Variants in WDR72 observed in about 807,000 individuals in gnomAD.
WDR72 encodes WD repeat-containing protein 72.
Under a neutral mutation model 124.2 loss-of-function variants are expected in WDR72, and 120 were observed. That is an observed-to-expected ratio of 0.97 (90% CI 0.83 to 1.12). The LOEUF is 1.12. WDR72 is among the 50% of genes most tolerant of loss of function. The pLI is 0.00. For missense variants in WDR72, 1,387 were observed against 1,278.8 expected (o/e 1.08, Z -1.29); for synonymous variants, 452 against 441.7 (o/e 1.02, Z -0.29).
chr15:53,578,193 T>C (rs958967663), intron 18 of WDR72, among the ~76,000 whole-genome samples: 3 of 152,022 alleles, frequency 2.0e-5, no homozygotes, highest in Admixed American at 2.0e-4. Flanking sequence ...GTTAGACATA[T>C]CCCCCTCCCT....
chr15:53,665,788 G>T lies in WDR72; in HGVS notation c.1766-20C>A. On this transcript the variant is annotated intron_variant, in intron 13 of 19. Transcript: ENST00000360509. Reference sequence around the variant, plus strand: ...AAGTGCCTGGAAAACAAGATTAGAGGTAAAAATGTCAGGAAAATATTTACC... The same window carrying T: ...AAGTGCCTGGAAAACAAGATTAGAGTTAAAAATGTCAGGAAAATATTTACC... 6.2e-7 allele frequency: 1 copy of T among 1,611,300 alleles called. No homozygotes were observed.
chr15:53,642,853 T>C (rs554431646), intron 14 of WDR72, among the ~76,000 whole-genome samples: 1 of 152,174 alleles, frequency 6.6e-6, no homozygotes, highest in African/African-American at 2.4e-5. Context: ...ACAATGTAAA[T>C]GCTATTTTCC....
chr15:53,678,207 C>T (rs774128651), intron 13 of WDR72, among the ~76,000 whole-genome samples: 1 of 152,200 alleles, frequency 6.6e-6, no homozygotes, highest in Admixed American at 6.5e-5. Flanking sequence ...CCCAATCCAT[C>T]TGCCCTTAAA....
intron 14 of WDR72, among the ~76,000 whole-genome samples, chr15:53,623,479 T>TTATATATATA (rs139646158): frequency 1.1e-4 from 16 of 149,410 alleles, no homozygotes; most frequent in African/African-American, 3.7e-4. Context: ...TAGCATTATA[T>TTATATATATA]TATATATATA....
rs1029643524 is a variant in WDR72 at position 53,715,350 on chromosome 15, G to A, written c.357C>T (p.Phe119=). The A allele has an allele frequency of 1.9e-6, 3 of 1,613,970 alleles. No individual in the cohort carries two copies. In the African/African-American group the frequency reaches 4.0e-5, roughly 22 times the overall value. The change falls in exon 5 of 20, where the codon TTC becomes TTT. Residue 119 remains phenylalanine (F), a synonymous_variant. Transcript: ENST00000360509. The stretch of plus-strand genomic sequence containing the variant: ...GAAGCCAGCCTTCTCCTGTCATCCG[G>A]AATGAGCAGTGGTAATACTACGTAC... ...HTAICYYHCS[F]RMTGEGWLLC... is the part of the protein sequence containing the mutation.
At chr15:53,761,873 C>T (rs690190), upstream of WDR72, among the ~76,000 whole-genome samples, 84,920 of 151,718 alleles carry the variant, frequency 0.56, 24,332 homozygotes, top group Middle Eastern at 0.67. Flanking sequence ...AAAATGCAGC[C>T]TCTGAATAGG....
At chr15:53,609,131 C>A (rs1389958763) in intron 17 of WDR72, among the ~76,000 whole-genome samples, 1 of 151,954 alleles carries the variant, frequency 6.6e-6, no homozygotes, top group Non-Finnish European at 1.5e-5. Flanking sequence ...TATATGACCA[C>A]TATGTGCCCA....
chr15:53,540,733 C>G (rs928727226), intron 18 of WDR72, among the ~76,000 whole-genome samples: 1 of 152,110 alleles, frequency 6.6e-6, no homozygotes, highest in Admixed American at 6.5e-5. Context: ...TCTGAGGTAC[C>G]GGGTTCATCT....
chr15:53,568,913 G>T (rs1221762714), intron 18 of WDR72, among the ~76,000 whole-genome samples: 1 of 151,826 alleles, frequency 6.6e-6, no homozygotes, highest in Non-Finnish European at 1.5e-5. Context: ...CACAAAGAAT[G>T]GTACGATATA....
At chr15:53,697,786 T>A in intron 13 of WDR72, among the ~76,000 whole-genome samples, 1 of 152,182 alleles carries the variant, frequency 6.6e-6, no homozygotes, top group East Asian at 1.9e-4. Context: ...AGAAAGTAGA[T>A]CAAAATATTA....
At chr15:53,596,033 T>C (rs1249459569) in intron 18 of WDR72, among the ~76,000 whole-genome samples, 1 of 152,094 alleles carries the variant, frequency 6.6e-6, no homozygotes, top group Non-Finnish European at 1.5e-5. Context: ...AGTAATCTCA[T>C]AAAAACAATG....
Position 53,513,972 on chromosome 15 carries a change from C to G in WDR72, c.*3727G>C, listed in dbSNP as rs908093067. On this transcript the variant is annotated 3_prime_UTR_variant, in exon 20 of 20. Transcript: ENST00000360509. ...CTCTTACAGACAGACCTGTTAATTTCCAGTTTACCTTCTCCTACCTGCCAT... is the reference window on the plus strand; with the variant it reads ...CTCTTACAGACAGACCTGTTAATTTGCAGTTTACCTTCTCCTACCTGCCAT... 10 of 152,194 alleles carry G rather than the reference C, an allele frequency of 6.6e-5. No homozygotes were observed. The highest frequency in any genetic ancestry group is 1.3e-4 in the Admixed American group (2 of 15,276). 9.4% of individuals were successfully genotyped at this position (152,194 alleles called of 1,614,324 possible).
intron 18 of WDR72, among the ~76,000 whole-genome samples, chr15:53,570,948 A>G (rs1298260049): frequency 3.3e-5 from 5 of 152,192 alleles, no homozygotes; most frequent in Admixed American, 6.5e-5. Context: ...ATGCAGCTGG[A>G]GGCTATTATC....
intron 14 of WDR72, among the ~76,000 whole-genome samples, chr15:53,638,896 G>A (rs901893061): frequency 2.6e-5 from 4 of 151,942 alleles, no homozygotes; most frequent in Non-Finnish European, 5.9e-5. Flanking sequence ...CCAGCTACTT[G>A]GGAGGCAGAG....
chr15:53,596,538 A>G (rs1454763219), intron 18 of WDR72, among the ~76,000 whole-genome samples: 1 of 152,188 alleles, frequency 6.6e-6, no homozygotes. Context: ...ACTTTTATCA[A>G]GGTACAAAGT....
At chr15:53,662,613 T>C (rs112491285) in intron 14 of WDR72, among the ~76,000 whole-genome samples, 1 of 152,184 alleles carries the variant, frequency 6.6e-6, no homozygotes, top group Non-Finnish European at 1.5e-5. Context: ...TTTCCACACA[T>C]AAAATGAGTA....
chr15:53,515,375 C>T lies in WDR72; in HGVS notation c.*2324G>A, dbSNP rs2141162882. On this transcript the variant is annotated 3_prime_UTR_variant, in exon 20 of 20. Coordinates refer to ENST00000360509, the MANE Select transcript of WDR72 (RefSeq NM_182758.4). ...ATCCAGTTAACTGTGTGGCAATTTG[C>T]TATTTCAAGTCCTCTCATAACAGAA... is the stretch of plus-strand genomic sequence containing the variant. The T allele has an allele frequency of 6.6e-6, 1 of 152,190 alleles. No homozygotes were observed. Among genetic ancestry groups the T allele is most frequent in the Non-Finnish European group, 1.5e-5 (1 of 68,004 alleles). 9.4% of individuals were successfully genotyped at this position (152,190 alleles called of 1,614,324 possible). A position where few individuals can be genotyped will look rare whatever the true frequency, so the allele number is the denominator to read the frequency against.
chr15:53,559,133 T>A (rs772148425), intron 18 of WDR72, among the ~76,000 whole-genome samples: 23 of 151,700 alleles, frequency 1.5e-4, no homozygotes, highest in Admixed American at 3.3e-4. Context: ...AACTTGCTAA[T>A]GTACTTTTCT....
At chr15:53,622,107 T>C (rs1237267937) in intron 14 of WDR72, among the ~76,000 whole-genome samples, 1 of 152,112 alleles carries the variant, frequency 6.6e-6, no homozygotes, top group African/African-American at 2.4e-5. Flanking sequence ...TGGTGATTAT[T>C]AAAAAGTCAA....
Sources: allele counts gnomAD v4.1 joint callset (sites outside exome capture counted in the v4.1 genomes callset), GRCh38; gene constraint gnomAD v4.1.1; transcripts MANE v1.5; gene names NCBI Gene and HGNC (gene_info 2026-07-23, HGNC 2026-07-21).